Variants in STXBP5 observed in about 807,000 individuals in gnomAD.
STXBP5 encodes the protein syntaxin-binding protein 5.
A neutral mutation model predicts 152.4 loss-of-function variants in STXBP5; 50 were observed. The ratio of observed to expected loss-of-function variants is 0.33; its 90% CI spans 0.26 to 0.42. STXBP5 has a LOEUF of 0.42. Ranked by LOEUF, STXBP5 falls within the 10% of genes least tolerant of loss-of-function variation. STXBP5 has a pLI of 1.00. For missense variants in STXBP5, 1,167 were observed against 1,388.6 expected (o/e 0.84, Z 2.54); for synonymous variants, 492 against 494.7 (o/e 0.99, Z 0.07).
intron 9 of STXBP5, among the ~76,000 whole-genome samples, chr6:147,303,473 A>G (rs934267575): frequency 6.6e-6 from 1 of 152,142 alleles, no homozygotes; most frequent in Non-Finnish European, 1.5e-5. Context: ...TTTGTGAATT[A>G]CTCAGTCTCA....
chr6:147,263,342 CTTTTTTT>C (rs1029110765), intron 6 of STXBP5, among the ~76,000 whole-genome samples: 3 of 128,828 alleles, frequency 2.3e-5, no homozygotes, highest in South Asian at 2.5e-4. Context: ...TTCTTTCTTT[CTTTTTTT>C]TTTTTTTTTT....
intron 9 of STXBP5, among the ~76,000 whole-genome samples, chr6:147,304,022 A>T (rs1025548888): frequency 3.9e-5 from 6 of 152,306 alleles, no homozygotes; most frequent in African/African-American, 1.4e-4. Context: ...ATGTTCTAGA[A>T]AAGAAAAACC....
intron 2 of STXBP5, among the ~76,000 whole-genome samples, chr6:147,233,702 TG>T (rs1352704935): frequency 1.3e-5 from 2 of 151,538 alleles, no homozygotes; most frequent in African/African-American, 4.8e-5. Flanking sequence ...AATAAATGGG[TG>T]AACGGAGATA....
intron 23 of STXBP5, 57 bp downstream of exon 23, chr6:147,359,380 A>G (rs1784960927): frequency 1.3e-6 from 2 of 1,549,482 alleles, no homozygotes. Context: ...CTATGATAGA[A>G]GCCTTTGTTT....
At chr6:147,293,040 T>G (rs1188969427) in intron 9 of STXBP5, 3 of 152,176 alleles carry the variant, frequency 2.0e-5, no homozygotes, top group Non-Finnish European at 4.4e-5. Flanking sequence ...TTTTCTATGT[T>G]TATATACACA....
intron 9 of STXBP5, among the ~76,000 whole-genome samples, chr6:147,301,092 A>G (rs995934263): frequency 6.6e-6 from 1 of 152,104 alleles, no homozygotes; most frequent in Non-Finnish European, 1.5e-5. Context: ...AAATAATACC[A>G]CAATAAGATA....
intron 21 of STXBP5, among the ~76,000 whole-genome samples, chr6:147,345,011 A>G (rs1784258649): frequency 6.6e-6 from 1 of 152,196 alleles, no homozygotes; most frequent in African/African-American, 2.4e-5. Context: ...AAGTACTCAT[A>G]TCTTTAAAGA....
rs201048947 is a variant in STXBP5 at position 147,379,782 on chromosome 6, GT to G, written c.3194-2992del. On this transcript the variant is annotated intron_variant, in intron 26 of 27. Transcript: ENST00000321680. ...TAAAACTAATTATAGCTAATAAACA[GT>G]TTTAGCAAGGTTTCAGGATACAAGA... 9.9e-3 allele frequency among the ~76,000 whole-genome samples: 1,512 copies of G among 151,966 alleles called. 22 individuals are homozygous for G. The highest frequency in any genetic ancestry group is 0.033 in the African/African-American group (1,358 of 41,440).
rs1776449890 is a variant in STXBP5, at chr6:147,204,739, G to T, written c.150+57G>T. The T allele has an allele frequency of 3.3e-6, 5 of 1,501,172 alleles. No homozygotes were observed. In the Admixed American group the frequency reaches 1.1e-4, roughly 33 times the overall value. 93.0% of individuals were successfully genotyped at this position (1,501,172 alleles called of 1,614,324 possible). A position where few individuals can be genotyped will look rare whatever the true frequency, so the allele number is the denominator to read the frequency against. ...CATTGAAAAATTGGGGTTGTTTTAA[G>T]GGGGCTACTCGGGCTTTACATGGGA... On this transcript the variant is annotated intron_variant, in intron 1 of 27. Coordinates refer to ENST00000321680, the MANE Select transcript of STXBP5 (RefSeq NM_001127715.4). The surrounding 1 kb of genome is among the most constrained non-coding windows in gnomAD (Gnocchi z 4.3).
At chr6:147,211,796 GT>G (rs995508380) in intron 2 of STXBP5, among the ~76,000 whole-genome samples, 3 of 152,038 alleles carry the variant, frequency 2.0e-5, no homozygotes, top group Non-Finnish European at 4.4e-5. Context: ...GTCCAGGCTG[GT>G]CTTGAACTCC....
intron 18 of STXBP5, among the ~76,000 whole-genome samples, chr6:147,331,804 TTAA>T (rs1311356557): frequency 5.4e-5 from 6 of 110,422 alleles, no homozygotes; most frequent in Non-Finnish European, 9.7e-5. Context: ...TTTCTACCAG[TTAA>T]AAAAAAAAAA....
rs1160013307 is a variant in STXBP5 at position 147,359,151 on chromosome 6, A to G, written c.2373A>G (p.Arg791=). ...TAACAAGCATTGACAAAGAATCCCG[A>G]GAAGCGATCTCCGCTCTTCATTTCT... is the stretch of plus-strand genomic sequence containing the variant. The part of the protein sequence containing the change: ...SSVTSIDKES[R]EAISALHFCE... Residue 791 remains arginine (R), a synonymous_variant, in exon 23 of 28, where the codon CGA becomes CGG. Transcript: ENST00000321680. The G allele has an allele frequency of 6.2e-7, 1 of 1,613,910 alleles. No homozygotes were observed. The highest frequency in any genetic ancestry group is 8.5e-7 in the Non-Finnish European group (1 of 1,179,946).
At chr6:147,263,862 T>G (rs968634702) in intron 6 of STXBP5, among the ~76,000 whole-genome samples, 3 of 152,004 alleles carry the variant, frequency 2.0e-5, no homozygotes, top group Non-Finnish European at 2.9e-5. Flanking sequence ...TTATGAAATT[T>G]TATGGTATTT....
chr6:147,206,108 T>TAGTCAACATAGTCAACA, intron 2 of STXBP5, 40 bp downstream of exon 2: 1 of 1,554,524 alleles, frequency 6.4e-7, no homozygotes, highest in South Asian at 1.1e-5. Flanking sequence ...TTCTACTTTG[T>TAGTCAACATAGTCAACA]TCTCCCCAGT....
chr6:147,228,563 T>C (rs145153633), intron 2 of STXBP5, among the ~76,000 whole-genome samples: 67 of 152,238 alleles, frequency 4.4e-4, no homozygotes, highest in Non-Finnish European at 8.8e-4. Context: ...ATTTCTTTGA[T>C]ACTTTCTCTT....
At chr6:147,229,161 G>A (rs1777873675) in intron 2 of STXBP5, among the ~76,000 whole-genome samples, 1 of 151,888 alleles carries the variant, frequency 6.6e-6, no homozygotes, top group African/African-American at 2.4e-5. Context: ...TGCTAAATAG[G>A]TTAAATTCAT....
intron 25 of STXBP5, among the ~76,000 whole-genome samples, chr6:147,369,277 A>C (rs1785435565): frequency 6.6e-6 from 1 of 152,060 alleles, no homozygotes; most frequent in South Asian, 2.1e-4. Flanking sequence ...ATGCAAAAAA[A>C]ATCAGCTTTG....
Position 147,204,750 on chromosome 6 carries a change from G to A in STXBP5, c.150+68G>A. ...TGGGGTTGTTTTAAGGGGGCTACTC[G>A]GGCTTTACATGGGAATGCAAGGGAA... On this transcript the variant is annotated intron_variant, in intron 1 of 27. Coordinates refer to ENST00000321680, the MANE Select transcript of STXBP5 (RefSeq NM_001127715.4). The surrounding 1 kb of genome is among the most constrained non-coding windows in gnomAD (Gnocchi z 4.3). The A allele has an allele frequency of 6.9e-7, 1 of 1,451,200 alleles. No homozygotes were observed. The highest frequency in any genetic ancestry group is 1.4e-5 in the South Asian group (1 of 70,970). The allele number at this position is 1,451,200 out of a possible 1,614,324, so 89.9% of individuals were successfully genotyped here.
chr6:147,309,430 A>G (rs543338692), intron 9 of STXBP5, among the ~76,000 whole-genome samples: 7 of 152,260 alleles, frequency 4.6e-5, no homozygotes, highest in African/African-American at 1.4e-4. Context: ...GTTTTTGAAA[A>G]TGAGTCTAGA....
Sources: allele counts gnomAD v4.1 joint callset (sites outside exome capture counted in the v4.1 genomes callset), GRCh38; gene constraint gnomAD v4.1.1; non-coding constraint Gnocchi (gnomAD v3.1); transcripts MANE v1.5; gene names NCBI Gene and HGNC (gene_info 2026-07-23, HGNC 2026-07-21).